HERC6: variants seen among roughly 807,000 people sequenced by gnomAD.
HERC6 encodes the protein probable E3 ubiquitin-protein ligase HERC6.
A neutral mutation model predicts 114.5 loss-of-function variants in HERC6; 101 were observed. The ratio of observed to expected loss-of-function variants is 0.88; its 90% CI spans 0.75 to 1.04. HERC6 has a LOEUF of 1.04. Among genes scored for constraint, HERC6 ranks in the 50% least tolerant of loss-of-function variants. The pLI, the probability that HERC6 is intolerant of heterozygous loss-of-function variation, is 0.00. For synonymous variants in HERC6, 408 were observed against 436.2 expected (o/e 0.94, Z 0.81); for missense variants, 1,133 against 1,230.9 (o/e 0.92, Z 1.19).
chr4:88,408,765 A>T (rs1459538732), intron 11 of HERC6, 148 bp downstream of exon 11: 1 of 642,480 alleles, frequency 1.6e-6, no homozygotes, highest in African/African-American at 1.8e-5. Context: ...CACTGAGACT[A>T]TGACATTGTA....
Position 88,404,998 on chromosome 4 carries a change from G to T in HERC6, c.1214+1G>T. 6.2e-7 allele frequency: 1 copy of T among 1,612,742 alleles called. No homozygotes were observed. The highest frequency in any genetic ancestry group is 8.5e-7 in the Non-Finnish European group (1 of 1,179,210). ...GTACTGAACATGAAATGGCTAAAAG[G>T]TGGCTCTGTCTGATAAATTATAAGC... On this transcript the variant is annotated splice_donor_variant, in intron 9 of 22. Transcript: ENST00000264346. LOFTEE classifies it high-confidence loss of function.
chr4:88,415,856 G>T (rs1441122514), intron 12 of HERC6, among the ~76,000 whole-genome samples: 1 of 152,216 alleles, frequency 6.6e-6, no homozygotes, highest in Non-Finnish European at 1.5e-5. Flanking sequence ...ATGAGGAGAT[G>T]AGAGGAAACC....
At chr4:88,402,942 C>T (rs17014129) in intron 8 of HERC6, among the ~76,000 whole-genome samples, 7,823 of 152,194 alleles carry the variant, frequency 0.051, 656 homozygotes, top group African/African-American at 0.18. Flanking sequence ...CTTTAAGAGC[C>T]GTGGTTACCT....
chr4:88,408,465 C>A, intron 10 of HERC6, 59 bp from the exon 11 acceptor site: 1 of 1,079,834 alleles, frequency 9.3e-7, no homozygotes, highest in Non-Finnish European at 1.4e-6. Context: ...GACATACAAA[C>A]TTTAGAAATA....
At chr4:88,405,222 G>A (rs910345720) in intron 9 of HERC6, among the ~76,000 whole-genome samples, 5 of 152,188 alleles carry the variant, frequency 3.3e-5, no homozygotes, top group Non-Finnish European at 7.4e-5. Context: ...AGTTGCAGGA[G>A]TGAATCAAAA....
At position 88,396,023 on chromosome 4, in the gene HERC6, A is replaced by G. The variant is rs1307584090; in HGVS notation, c.768A>G (p.Lys256=). 1 of 1,593,172 alleles carries G rather than the reference A, an allele frequency of 6.3e-7. No individual in the cohort carries two copies. The highest frequency in any genetic ancestry group is 8.5e-7 in the Non-Finnish European group (1 of 1,170,386). ...CTTCCTTTGCTAAGCAGGACGGGAA[A>G]GTGTTCACATTTGGAGACAATCGCT... ...AHTAVLTQDG[K]VFTFGDNRSG... The change falls in exon 6 of 23, where the codon AAA becomes AAG. Residue 256 remains lysine, a synonymous_variant. Transcript: ENST00000264346.
chr4:88,431,329 T>C (rs529215596), intron 17 of HERC6, 24 bp downstream of exon 17: 74 of 1,564,844 alleles, frequency 4.7e-5, no homozygotes, highest in East Asian at 4.5e-4. Context: ...TTTTTTTTTT[T>C]CCCCCAGAAC....
intron 3 of HERC6, among the ~76,000 whole-genome samples, chr4:88,387,044 A>G (rs992921476): frequency 1.3e-5 from 2 of 152,216 alleles, no homozygotes; most frequent in Admixed American, 6.5e-5. Context: ...GTCAGCTTCT[A>G]TGTGCCAGCT....
At chr4:88,397,990 A>T (rs1250096520) in intron 7 of HERC6, 152 bp from the exon 8 acceptor site, 1 of 549,188 alleles carries the variant, frequency 1.8e-6, no homozygotes, top group Non-Finnish European at 3.2e-6. Context: ...GAGGGAAAAA[A>T]AGAAAAAAAT....
In HERC6 at chr4:88,435,768, G is replaced by C. The variant is rs368898019; in HGVS notation, c.2294G>C (p.Cys765Ser). The C allele has an allele frequency of 5.9e-5, 94 of 1,605,044 alleles. No homozygotes were observed. Among genetic ancestry groups the C allele is most frequent in the Non-Finnish European group, 7.7e-5 (90 of 1,175,146 alleles). The part of the protein sequence containing the change: ...KKRYFLFGML[C>S]GLSLFNLNVA... Reference sequence around the variant, plus strand: ...AGATATTTCCTCTTTGGAATGCTGTGTGGACTCTCCTTATTCAATTTAAAT... The same window carrying C: ...AGATATTTCCTCTTTGGAATGCTGTCTGGACTCTCCTTATTCAATTTAAAT... Residue 765 changes from cysteine to serine, a missense_variant, in exon 18 of 23, where the codon TGT becomes TCT. By Grantham distance (112) the Cys-to-Ser change is moderately radical. Transcript: ENST00000264346.
Position 88,423,951 on chromosome 4 carries a change from A to G in HERC6, c.1805A>G (p.Gln602Arg). ...AACTTTTATATAGATAGAGGAAGAC[A>G]GCTCTTTCGGGATAACCACCTGGTA... ...LLNFYIDRGR[Q>R]LFRDNHLIPA... Residue 602 changes from glutamine to arginine, a missense_variant, in exon 14 of 23, where the codon CAG becomes CGG. Coordinates refer to ENST00000264346, the MANE Select transcript of HERC6 (RefSeq NM_017912.4). The G allele has an allele frequency of 6.6e-7, 1 of 1,524,498 alleles. No homozygotes were observed. Among genetic ancestry groups the G allele is most frequent in the Non-Finnish European group, 8.9e-7 (1 of 1,126,862 alleles). 94.4% of individuals were successfully genotyped at this position (1,524,498 alleles called of 1,614,324 possible).
chr4:88,379,186 C>T, intron 1 of HERC6, 66 bp downstream of exon 1: 1 of 1,285,644 alleles, frequency 7.8e-7, no homozygotes, highest in Non-Finnish European at 1.0e-6. Flanking sequence ...GCTTGGGTAC[C>T]GGGCGCAGGG....
chr4:88,419,896 A>G (rs1304248098), intron 13 of HERC6, among the ~76,000 whole-genome samples: 1 of 152,170 alleles, frequency 6.6e-6, no homozygotes, highest in Non-Finnish European at 1.5e-5. Flanking sequence ...ATATTAGGTC[A>G]TGCTAACTTC....
intron 17 of HERC6, among the ~76,000 whole-genome samples, chr4:88,433,114 GT>G: frequency 6.6e-6 from 1 of 152,004 alleles, no homozygotes; most frequent in Non-Finnish European, 1.5e-5. Context: ...AAAAAAATTT[GT>G]CTTCATTTCT....
In HERC6 at chr4:88,416,243, C is replaced by T. The variant is rs527639070; in HGVS notation, c.1559-1182C>T. ...GCACCAGCACACCCTAGTCAATTGA[C>T]CTCGTCAATGACCATAATTCTGCAT... On this transcript the variant is annotated intron_variant, in intron 12 of 22. Transcript: ENST00000264346. Among the ~76,000 whole-genome samples, 4 of 152,310 alleles carry T rather than the reference C, an allele frequency of 2.6e-5. No individual in the cohort carries two copies. The East Asian group carries it at 7.7e-4, about 29-fold the overall frequency.
At chr4:88,386,269 G>A (rs796605084) in intron 3 of HERC6, among the ~76,000 whole-genome samples, 3 of 148,004 alleles carry the variant, frequency 2.0e-5, no homozygotes, top group African/African-American at 7.5e-5. Flanking sequence ...GTGGTGGCAC[G>A]ATCTCAGCTC....
intron 11 of HERC6, among the ~76,000 whole-genome samples, chr4:88,411,026 T>C (rs1038262917): frequency 1.3e-5 from 2 of 152,192 alleles, no homozygotes; most frequent in African/African-American, 4.8e-5. Flanking sequence ...TCAAATGTCT[T>C]CAGTTAGTAA....
chr4:88,419,117 G>A (rs1464486792), intron 13 of HERC6, among the ~76,000 whole-genome samples: 1 of 152,128 alleles, frequency 6.6e-6, no homozygotes, highest in Non-Finnish European at 1.5e-5. Context: ...CGAGGACTAT[G>A]GCCAGAACAA....
At chr4:88,380,679 T>G (rs998023104) in intron 1 of HERC6, among the ~76,000 whole-genome samples, 1 of 149,692 alleles carries the variant, frequency 6.7e-6, no homozygotes, top group Non-Finnish European at 1.5e-5. Flanking sequence ...ATCGCGACAC[T>G]GCACTCCAGC....
Sources: allele counts gnomAD v4.1 joint callset (sites outside exome capture counted in the v4.1 genomes callset), GRCh38; gene constraint gnomAD v4.1.1; transcripts MANE v1.5; gene names NCBI Gene and HGNC (gene_info 2026-07-23, HGNC 2026-07-21).